Variants in RERE observed in about 807,000 individuals in gnomAD.
The protein encoded by RERE is arginine-glutamic acid dipeptide repeats, also known as arginine-glutamic acid dipeptide repeats protein.
In RERE, 40 loss-of-function variants were observed where a neutral mutation model predicts 146.1. That is an observed-to-expected ratio of 0.27 (90% CI 0.21 to 0.36). RERE has a LOEUF of 0.36. RERE is among the 10% of genes least tolerant of loss of function. The probability of loss-of-function intolerance (pLI) is 1.00; values close to 1 mark genes in which losing one functional copy is unlikely to be tolerated. For missense variants in RERE, 1,933 were observed against 2,138.7 expected, an observed-to-expected ratio of 0.90 and a Z score of 1.90; for synonymous variants, 1,003 against 866.0, an observed-to-expected ratio of 1.16 and a Z score of -2.78.
intron 2 of RERE, among the ~76,000 whole-genome samples, chr1:8,627,742 G>GAT (rs1279028532): frequency 6.6e-6 from 1 of 152,108 alleles, no homozygotes; most frequent in Admixed American, 6.5e-5. Flanking sequence ...CTTACTGTGA[G>GAT]ATATAAAGCT....
intron 10 of RERE, among the ~76,000 whole-genome samples, chr1:8,492,632 G>C (rs930087175): frequency 6.6e-6 from 1 of 152,148 alleles, no homozygotes; most frequent in African/African-American, 2.4e-5. Context: ...AGGTGCAGTG[G>C]CACACACCTG....
At position 8,362,666 on chromosome 1, in the gene RERE, T is replaced by A; in HGVS notation, c.1902+17A>T. The A allele has an allele frequency of 1.2e-6, 2 of 1,614,004 alleles. No individual in the cohort carries two copies. Among genetic ancestry groups the A allele is most frequent in the Non-Finnish European group, 1.7e-6 (2 of 1,179,960 alleles). On this transcript the variant is annotated intron_variant, in intron 16 of 22. Coordinates refer to ENST00000400908, the MANE Select transcript of RERE (RefSeq NM_001042681.2). ...GGGAGGGACAGAGTAGGCCCTACTA[T>A]CCCCCCAGCACCTGACCTTGGCCGA... is the stretch of plus-strand genomic sequence containing the variant.
At chr1:8,540,836 T>TA (rs1196204974) in intron 7 of RERE, among the ~76,000 whole-genome samples, 11 of 152,328 alleles carry the variant, frequency 7.2e-5, no homozygotes, top group African/African-American at 1.9e-4. Flanking sequence ...CAAAATTACT[T>TA]AGTCTTTTTC....
intron 7 of RERE, chr1:8,511,715 C>T (rs1645337411): frequency 6.6e-6 from 1 of 152,158 alleles, no homozygotes; most frequent in African/African-American, 2.4e-5. Context: ...CAATCAGAAT[C>T]CTCCTTACTG....
intron 1 of RERE, among the ~76,000 whole-genome samples, chr1:8,735,867 C>T (rs1640186300): frequency 1.3e-5 from 2 of 152,236 alleles, no homozygotes; most frequent in South Asian, 4.2e-4. Flanking sequence ...TCCTGTACAG[C>T]CTGCAGTACT....
At chr1:8,702,857 A>G (rs1267245408) in intron 1 of RERE, among the ~76,000 whole-genome samples, 1 of 152,188 alleles carries the variant, frequency 6.6e-6, no homozygotes, top group African/African-American at 2.4e-5. Context: ...AGCCCAACAG[A>G]AATGCAATGG....
intron 1 of RERE, among the ~76,000 whole-genome samples, chr1:8,677,925 A>G (rs1638879742): frequency 1.3e-5 from 2 of 152,258 alleles, no homozygotes; most frequent in Admixed American, 1.3e-4. Context: ...TTTTGCAGAA[A>G]ACAGTATCTA....
chr1:8,426,570 T>C (rs191367308), intron 11 of RERE, among the ~76,000 whole-genome samples: 180 of 152,054 alleles, frequency 1.2e-3, no homozygotes, highest in Middle Eastern at 3.4e-3. Context: ...ATCTCCCCCA[T>C]CCAGCCATTT....
At chr1:8,753,970 G>C (rs1021247011) in intron 1 of RERE, 1 of 152,192 alleles carries the variant, frequency 6.6e-6, no homozygotes. Context: ...TGCTTTTTCA[G>C]ATGTGTCAAA....
In RERE at chr1:8,480,130, T is replaced by A. The variant is rs11121184; in HGVS notation, c.1105-14107A>T. ...TGATTTTATTAAAGCCTTTTTTTGT[T>A]TTTTTTTTTTTTGTTTTTTTTTTTT... On this transcript the variant is annotated intron_variant, in intron 10 of 22. Coordinates refer to ENST00000400908, the MANE Select transcript of RERE (RefSeq NM_001042681.2). Among the ~76,000 whole-genome samples, 65 of 19,812 alleles carry A rather than the reference T, an allele frequency of 3.3e-3. 1 individual carries two copies. Among genetic ancestry groups the A allele is most frequent in the African/African-American group, 0.021 (57 of 2,750 alleles). 13.0% of individuals were successfully genotyped at this position (19,812 alleles called of 152,430 possible). A position where few individuals can be genotyped will look rare whatever the true frequency, so the allele number is the denominator to read the frequency against.
At chr1:8,468,746 G>C (rs139853261) in intron 10 of RERE, among the ~76,000 whole-genome samples, 1 of 152,154 alleles carries the variant, frequency 6.6e-6, no homozygotes, top group South Asian at 2.1e-4. Flanking sequence ...TTAGCTGGGC[G>C]TGGTGGCATG....
At chr1:8,466,600 A>G (rs969019130) in intron 10 of RERE, among the ~76,000 whole-genome samples, 1 of 152,178 alleles carries the variant, frequency 6.6e-6, no homozygotes, top group South Asian at 2.1e-4. Flanking sequence ...GCATTTCTTA[A>G]GTTTTTTGAC....
chr1:8,436,841 T>G (rs1459934082), intron 11 of RERE, among the ~76,000 whole-genome samples: 2 of 151,776 alleles, frequency 1.3e-5, no homozygotes, highest in African/African-American at 4.8e-5. Context: ...AGTGTGTATT[T>G]TACACTGACC....
intron 11 of RERE, among the ~76,000 whole-genome samples, chr1:8,429,355 TGCC>T (rs1212266164): frequency 6.6e-6 from 1 of 152,204 alleles, no homozygotes; most frequent in African/African-American, 2.4e-5. Context: ...ATGTGGCTGC[TGCC>T]TGTGTTTGCA....
At position 8,774,879 on chromosome 1, in the gene RERE, TCCAG is replaced by T. The variant is rs763063013; in HGVS notation, c.-145+42277_-145+42280del. 8.6e-4 allele frequency among the ~76,000 whole-genome samples: 131 copies of T among 151,920 alleles called. 1 individual carries two copies. Among genetic ancestry groups the T allele is most frequent in the African/African-American group, 1.3e-3 (52 of 41,444 alleles). On this transcript the variant is annotated intron_variant, in intron 1 of 22. Transcript: ENST00000400908. ...CTTTTCCTTAAAATTATTTCATTAT[TCCAG>T]CTGAGGAGAATTAAATCATGTGAAA... is the stretch of plus-strand genomic sequence containing the variant.
At chr1:8,362,243 G>C (rs1355546778) in intron 16 of RERE, among the ~76,000 whole-genome samples, 1 of 152,236 alleles carries the variant, frequency 6.6e-6, no homozygotes, top group Non-Finnish European at 1.5e-5. Context: ...CTGGGCAGTA[G>C]AAGTAACCTA....
At chr1:8,462,620 C>G (rs1358119656) in intron 11 of RERE, among the ~76,000 whole-genome samples, 3 of 152,236 alleles carry the variant, frequency 2.0e-5, no homozygotes, top group Non-Finnish European at 4.4e-5. Flanking sequence ...TTCACCAACC[C>G]TCTCACAGAG....
At chr1:8,512,119 C>T (rs1378218886) in intron 7 of RERE, among the ~76,000 whole-genome samples, 4 of 142,762 alleles carry the variant, frequency 2.8e-5, no homozygotes, top group Non-Finnish European at 4.5e-5. Flanking sequence ...CTGCAAGCTC[C>T]GCTTCCCGGG....
At chr1:8,691,814 T>C (rs947578555) in intron 1 of RERE, among the ~76,000 whole-genome samples, 3 of 152,202 alleles carry the variant, frequency 2.0e-5, no homozygotes, top group African/African-American at 7.2e-5. Flanking sequence ...TTCCAACAAG[T>C]AGCTAGTACT....
Sources: gnomAD v4.1 joint callset for allele counts (sites outside exome capture counted in the v4.1 genomes callset) on GRCh38, gnomAD v4.1.1 for gene constraint, MANE v1.5 for transcripts, NCBI Gene and HGNC (gene_info 2026-07-23, HGNC 2026-07-21) for gene names.